NRG3: variants seen among roughly 807,000 people sequenced by gnomAD.
The protein encoded by NRG3 is neuregulin 3.
In NRG3, 31 loss-of-function variants were observed where a neutral mutation model predicts 66.9. That is an observed-to-expected ratio of 0.46 (90% confidence interval 0.35 to 0.63). The LOEUF (loss-of-function observed/expected upper bound fraction) is 0.63, where lower values mean the gene tolerates loss of function less well. Among genes scored for constraint, NRG3 ranks in the 20% least tolerant of loss-of-function variants. NRG3 has a pLI of 0.00. For synonymous variants in NRG3, 393 were observed against 359.4 expected (o/e 1.09, Z -1.06); for missense variants, 910 against 878.9 (o/e 1.04, Z -0.45).
At chr10:82,916,772 C>CCAT (rs1564628305) in intron 4 of NRG3, among the ~76,000 whole-genome samples, 3 of 152,086 alleles carry the variant, frequency 2.0e-5, no homozygotes, top group Non-Finnish European at 2.9e-5. Context: ...CGTGCCACCA[C>CCAT]GCCCAGCTAA....
At chr10:82,503,228 A>G (rs747798052) in intron 2 of NRG3, among the ~76,000 whole-genome samples, 2 of 152,180 alleles carry the variant, frequency 1.3e-5, no homozygotes, top group Admixed American at 6.5e-5. Context: ...CCCCATAGAA[A>G]TAAGCTTATG....
At chr10:82,493,745 A>G (rs1249692950) in intron 2 of NRG3, among the ~76,000 whole-genome samples, 3 of 152,232 alleles carry the variant, frequency 2.0e-5, no homozygotes, top group South Asian at 2.1e-4. Flanking sequence ...AAATTGACAA[A>G]TGGGATCTCA....
chr10:82,396,863 T>C (rs1264220634), intron 2 of NRG3, among the ~76,000 whole-genome samples: 1 of 152,170 alleles, frequency 6.6e-6, no homozygotes, highest in Non-Finnish European at 1.5e-5. Flanking sequence ...CCTATAAAGG[T>C]AATAGCAATG....
chr10:81,968,920 G>A (rs1450171350), intron 1 of NRG3, among the ~76,000 whole-genome samples: 2 of 152,218 alleles, frequency 1.3e-5, no homozygotes, highest in Admixed American at 1.3e-4. Context: ...AGAAGACGAA[G>A]TGAGGCGAGG....
At chr10:82,467,314 A>G (rs1840778050) in intron 2 of NRG3, among the ~76,000 whole-genome samples, 2 of 152,184 alleles carry the variant, frequency 1.3e-5, no homozygotes. Flanking sequence ...CCTTATCCAA[A>G]AAGGTAGCAG....
intron 1 of NRG3, among the ~76,000 whole-genome samples, chr10:82,120,543 A>AT (rs1334001993): frequency 2.6e-5 from 4 of 151,938 alleles, no homozygotes; most frequent in African/African-American, 7.3e-5. Context: ...TGGTTTTCTT[A>AT]TTTTTTCAGG....
intron 4 of NRG3, among the ~76,000 whole-genome samples, chr10:82,940,427 T>C (rs1848486727): frequency 6.6e-6 from 1 of 152,158 alleles, no homozygotes; most frequent in South Asian, 2.1e-4. Context: ...GATGATGTTC[T>C]CCCTATGTGT....
intron 2 of NRG3, among the ~76,000 whole-genome samples, chr10:82,465,242 C>T (rs1480094720): frequency 6.6e-6 from 1 of 152,166 alleles, no homozygotes; most frequent in Non-Finnish European, 1.5e-5. Context: ...AGCACATTTG[C>T]AAGAGATTTC....
chr10:82,344,440 C>A (rs1184069001), intron 1 of NRG3, among the ~76,000 whole-genome samples: 2 of 149,510 alleles, frequency 1.3e-5, no homozygotes, highest in Admixed American at 6.6e-5. Flanking sequence ...ATATGTGCCA[C>A]ATTTTCTTAA....
At chr10:82,485,804 A>C (rs1564978031) in intron 2 of NRG3, among the ~76,000 whole-genome samples, 1 of 152,094 alleles carries the variant, frequency 6.6e-6, no homozygotes, top group Non-Finnish European at 1.5e-5. Context: ...AGCAAAAAAA[A>C]ATAGGCTGGT....
intron 1 of NRG3, among the ~76,000 whole-genome samples, chr10:82,309,427 A>C (rs1324693150): frequency 6.6e-6 from 1 of 151,952 alleles, no homozygotes; most frequent in African/African-American, 2.4e-5. Flanking sequence ...AGTTACATTG[A>C]GGGTGATTAT....
chr10:82,622,060 T>C lies in NRG3; in HGVS notation c.954-116517T>C, dbSNP rs970188957. Among the ~76,000 whole-genome samples, 4 of 152,308 alleles carry C rather than the reference T, an allele frequency of 2.6e-5. No individual in the cohort carries two copies. In the South Asian group the frequency reaches 8.3e-4, roughly 32 times the overall value. The stretch of plus-strand genomic sequence containing the variant: ...AAAAAATGATCACAGCTGAGAAATT[T>C]ATGTCCATGTTTAACATCCTTGCAG... On this transcript the variant is annotated intron_variant, in intron 2 of 8. Coordinates refer to ENST00000372141, the MANE Select transcript of NRG3 (RefSeq NM_001010848.4).
chr10:82,876,053 T>G lies in NRG3; in HGVS notation c.1054+10616T>G, dbSNP rs529501287. Reference sequence around the variant, plus strand: ...TGATTTCTACAAAGAAGAACATGAGTATTTCTGTAAAGATGTTTTTGGACA... The same window carrying G: ...TGATTTCTACAAAGAAGAACATGAGGATTTCTGTAAAGATGTTTTTGGACA... On this transcript the variant is annotated intron_variant, in intron 4 of 8. Coordinates refer to ENST00000372141, the MANE Select transcript of NRG3 (RefSeq NM_001010848.4). Among the ~76,000 whole-genome samples, 12 of 152,330 alleles carry G rather than the reference T, an allele frequency of 7.9e-5. No homozygotes were observed. The South Asian group carries it at 2.5e-3, about 32-fold the overall frequency.
At chr10:82,856,756 C>CAAAAAAAAAAAAAAAAAA (rs67224862) in intron 3 of NRG3, among the ~76,000 whole-genome samples, 25 of 107,454 alleles carry the variant, frequency 2.3e-4, no homozygotes, top group East Asian at 3.1e-4. Context: ...AAAAAAAAAA[C>CAAAAAAAAAAAAAAAAAA]AAAAAAAAAA....
At chr10:82,234,774 C>G (rs1178248669) in intron 1 of NRG3, among the ~76,000 whole-genome samples, 1 of 152,174 alleles carries the variant, frequency 6.6e-6, no homozygotes, top group Non-Finnish European at 1.5e-5. Context: ...CAAGTCAAGT[C>G]AGGAGAGGCT....
rs1197635052 is a variant in NRG3 at position 82,272,929 on chromosome 10, T to C, written c.824-85810T>C. ...GGGCCTGTTTAAGGTTATTAATTCG[T>C]TCCAGTTCTTGGGGAGAGCAGCATG... On this transcript the variant is annotated intron_variant, in intron 1 of 8. Coordinates refer to ENST00000372141, the MANE Select transcript of NRG3 (RefSeq NM_001010848.4). Among the ~76,000 whole-genome samples the C allele has an allele frequency of 2.6e-5, 4 of 152,194 alleles. No homozygotes were observed. In the East Asian group the frequency reaches 7.7e-4, roughly 29 times the overall value.
At chr10:82,382,578 G>A (rs1162847905) in intron 2 of NRG3, among the ~76,000 whole-genome samples, 1 of 151,882 alleles carries the variant, frequency 6.6e-6, no homozygotes, top group African/African-American at 2.4e-5. Flanking sequence ...TAAAAATAGT[G>A]CATCTTTGTT....
intron 1 of NRG3, among the ~76,000 whole-genome samples, chr10:82,307,091 G>T (rs1448282105): frequency 6.6e-6 from 1 of 150,880 alleles, no homozygotes; most frequent in African/African-American, 2.4e-5. Context: ...ATATGTTTTG[G>T]GTGCTATTGT....
intron 2 of NRG3, among the ~76,000 whole-genome samples, chr10:82,488,194 T>C (rs1842836944): frequency 6.6e-6 from 1 of 152,194 alleles, no homozygotes; most frequent in Admixed American, 6.5e-5. Context: ...CATCAACAAG[T>C]CATCCTTGGA....
Sources: allele counts gnomAD v4.1 joint callset (sites outside exome capture counted in the v4.1 genomes callset), GRCh38; gene constraint gnomAD v4.1.1; transcripts MANE v1.5; gene names NCBI Gene and HGNC (gene_info 2026-07-23, HGNC 2026-07-21).